Variants in PPFIA2 observed in about 807,000 individuals in gnomAD.
The protein encoded by PPFIA2 is liprin-alpha-2.
In PPFIA2, 46 loss-of-function variants were observed where a neutral mutation model predicts 175.5. That is an observed-to-expected ratio of 0.26 (90% CI 0.21 to 0.34). The LOEUF (loss-of-function observed/expected upper bound fraction) is 0.34, where lower values mean the gene tolerates loss of function less well. Among genes scored for constraint, PPFIA2 ranks in the 10% least tolerant of loss-of-function variants. The pLI, the probability that PPFIA2 is intolerant of heterozygous loss-of-function variation, is 1.00. For missense variants in PPFIA2, 1,179 were observed against 1,506.1 expected, an observed-to-expected ratio of 0.78 and a Z score of 3.60; for synonymous variants, 568 against 511.4, an observed-to-expected ratio of 1.11 and a Z score of -1.49.
intron 4 of PPFIA2, among the ~76,000 whole-genome samples, chr12:81,636,817 TA>T (rs2064127988): frequency 6.6e-6 from 1 of 151,738 alleles, no homozygotes; most frequent in South Asian, 2.1e-4. Context: ...CACGCCCAAG[TA>T]AATTTTGTAC....
intron 7 of PPFIA2, among the ~76,000 whole-genome samples, chr12:81,436,848 G>C (rs562448069): frequency 4.8e-4 from 73 of 152,182 alleles, no homozygotes; most frequent in African/African-American, 1.6e-3. Flanking sequence ...ATAGGGATTC[G>C]AGTTAAGCCA....
intron 4 of PPFIA2, among the ~76,000 whole-genome samples, chr12:81,543,592 G>A (rs775781819): frequency 2.6e-5 from 4 of 152,108 alleles, no homozygotes; most frequent in Non-Finnish European, 5.9e-5. Context: ...AGTAGGTGGA[G>A]CATAACTCCC....
chr12:81,490,209 A>G (rs769252391), intron 4 of PPFIA2, among the ~76,000 whole-genome samples: 1 of 151,966 alleles, frequency 6.6e-6, no homozygotes, highest in African/African-American at 2.4e-5. Context: ...TAGGAGTTAT[A>G]AGGTCAGCCT....
intron 4 of PPFIA2, among the ~76,000 whole-genome samples, chr12:81,534,302 A>G (rs2065067572): frequency 6.6e-6 from 1 of 151,648 alleles, no homozygotes; most frequent in Non-Finnish European, 1.5e-5. Flanking sequence ...AATTTATCAT[A>G]TATTTCAAAA....
intron 3 of PPFIA2, among the ~76,000 whole-genome samples, chr12:81,743,531 A>G (rs1167490088): frequency 3.3e-5 from 5 of 151,614 alleles, no homozygotes; most frequent in African/African-American, 4.8e-5. Context: ...TTAAAAAAAA[A>G]AGAGAAATGT....
At chr12:81,316,403 T>C (rs1372582747) in intron 22 of PPFIA2, among the ~76,000 whole-genome samples, 1 of 151,636 alleles carries the variant, frequency 6.6e-6, no homozygotes, top group South Asian at 2.1e-4. Flanking sequence ...TTAATTTGAT[T>C]TTTTTATTTA....
chr12:81,531,011 G>T (rs2064461007), intron 4 of PPFIA2, among the ~76,000 whole-genome samples: 2 of 151,874 alleles, frequency 1.3e-5, no homozygotes, highest in South Asian at 2.1e-4. Flanking sequence ...TATCTAAGTT[G>T]TTTGACAGAC....
intron 4 of PPFIA2, among the ~76,000 whole-genome samples, chr12:81,666,659 T>A (rs947790529): frequency 6.6e-6 from 1 of 151,952 alleles, no homozygotes; most frequent in Non-Finnish European, 1.5e-5. Context: ...ATACCTAATG[T>A]TAATTGACGA....
Position 81,277,349 on chromosome 12 carries a change from CT to C in PPFIA2, c.3277del (p.Arg1093GlufsTer10). 1 of 1,570,672 alleles carries C rather than the reference CT, an allele frequency of 6.4e-7. No homozygotes were observed. Among genetic ancestry groups the C allele is most frequent in the Non-Finnish European group, 8.6e-7 (1 of 1,157,210 alleles). ...RLNYDRKELE[R>X]RREASQHEIK... ...TTCATGTTGGCTTGCTTCCCGTCTT[CT>C]TTCTAGTTCTTTTCTGTCATAATTC... On this transcript the variant is annotated frameshift_variant, in exon 28 of 33. Transcript: ENST00000549396. LOFTEE classifies it high-confidence loss of function.
Position 81,261,697 on chromosome 12 carries a change from C to T in PPFIA2, c.*33+252G>A, listed in dbSNP as rs75643942. Among the ~76,000 whole-genome samples the T allele has an allele frequency of 2.4e-3, 367 of 152,198 alleles. 2 individuals are homozygous for T. Among genetic ancestry groups the T allele is most frequent in the African/African-American group, 8.5e-3 (355 of 41,532 alleles). On this transcript the variant is annotated intron_variant, in intron 32 of 32. Coordinates refer to ENST00000549396, the MANE Select transcript of PPFIA2 (RefSeq NM_003625.5). ...AGTAGAAAACAGTGTAGTGGCAACC[C>T]ATTGATGTGTAATAATACAGTGATA...
intron 9 of PPFIA2, among the ~76,000 whole-genome samples, chr12:81,378,835 T>C (rs902814911): frequency 3.9e-5 from 6 of 152,186 alleles, no homozygotes; most frequent in African/African-American, 1.4e-4. Flanking sequence ...AACTCTGTTA[T>C]AAGGGATCAG....
chr12:81,654,983 T>C (rs550633252), intron 4 of PPFIA2, among the ~76,000 whole-genome samples: 2 of 152,120 alleles, frequency 1.3e-5, no homozygotes, highest in Non-Finnish European at 2.9e-5. Context: ...TTGAAGATTT[T>C]TTCTTTTATG....
At chr12:81,512,278 A>G (rs1567137489) in intron 4 of PPFIA2, 1 of 1,283,744 alleles carries the variant, frequency 7.8e-7, no homozygotes. Context: ...CTGACACAAA[A>G]CATACCTGAT....
At chr12:81,398,511 T>C (rs2142561185) in intron 8 of PPFIA2, among the ~76,000 whole-genome samples, 1 of 152,202 alleles carries the variant, frequency 6.6e-6, no homozygotes, top group Admixed American at 6.6e-5. Flanking sequence ...TACCTGTTTA[T>C]CTCCAATCCC....
intron 22 of PPFIA2, among the ~76,000 whole-genome samples, chr12:81,323,264 G>A (rs551364043): frequency 6.6e-6 from 1 of 151,952 alleles, no homozygotes; most frequent in Non-Finnish European, 1.5e-5. Flanking sequence ...ATGAATCTCT[G>A]CTATGAATTA....
At chr12:81,695,712 A>G (rs924628597) in intron 3 of PPFIA2, among the ~76,000 whole-genome samples, 4 of 152,192 alleles carry the variant, frequency 2.6e-5, no homozygotes, top group African/African-American at 9.6e-5. Flanking sequence ...TACTCTGTTC[A>G]GAAAAACACC....
chr12:81,340,244 GA>G (rs1403582095), intron 20 of PPFIA2, among the ~76,000 whole-genome samples: 1 of 151,894 alleles, frequency 6.6e-6, no homozygotes, highest in Non-Finnish European at 1.5e-5. Flanking sequence ...AAAATAGTTG[GA>G]AAAAAGAAAT....
rs549409512 is a variant in PPFIA2 at position 81,400,180 on chromosome 12, G to C, written c.762+5607C>G. 5.9e-5 allele frequency among the ~76,000 whole-genome samples: 9 copies of C among 152,206 alleles called. 2 individuals are homozygous for C. In the South Asian group the frequency reaches 1.9e-3, roughly 32 times the overall value. On this transcript the variant is annotated intron_variant, in intron 8 of 32. Coordinates refer to ENST00000549396, the MANE Select transcript of PPFIA2 (RefSeq NM_003625.5). ...GGACAGCTGACAGGTTTGCATGAGA[G>C]TGTGCAAATCTTCACACTATGATAT... is the stretch of plus-strand genomic sequence containing the variant.
intron 3 of PPFIA2, among the ~76,000 whole-genome samples, chr12:81,696,677 T>C (rs2153596063): frequency 6.6e-6 from 1 of 152,262 alleles, no homozygotes; most frequent in South Asian, 2.1e-4. Context: ...TTATTAAACA[T>C]ACTGCTATGT....
Sources: allele counts gnomAD v4.1 joint callset (sites outside exome capture counted in the v4.1 genomes callset), GRCh38; gene constraint gnomAD v4.1.1; transcripts MANE v1.5; gene names NCBI Gene and HGNC (gene_info 2026-07-23, HGNC 2026-07-21).